Variants in TBC1D22A observed in about 807,000 individuals in gnomAD.
The protein encoded by TBC1D22A is putative GTPase activator.
Under a neutral mutation model 60.2 loss-of-function variants are expected in TBC1D22A, and 38 were observed. The ratio of observed to expected loss-of-function variants is 0.63; its 90% CI spans 0.49 to 0.83. The LOEUF (loss-of-function observed/expected upper bound fraction) is 0.83, where lower values mean the gene tolerates loss of function less well. Among genes scored for constraint, TBC1D22A ranks in the 40% least tolerant of loss-of-function variants. The pLI, the probability that TBC1D22A is intolerant of heterozygous loss-of-function variation, is 0.00. For synonymous variants in TBC1D22A, 302 were observed against 281.7 expected, an observed-to-expected ratio of 1.07 and a Z score of -0.72; for missense variants, 628 against 701.0, an observed-to-expected ratio of 0.90 and a Z score of 1.18.
At position 47,034,424 on chromosome 22, in the gene TBC1D22A, TGA is replaced by T. The variant is rs1181993760; in HGVS notation, c.1202-2643_1202-2642del. On this transcript the variant is annotated intron_variant, in intron 10 of 12. Coordinates refer to ENST00000337137, the MANE Select transcript of TBC1D22A (RefSeq NM_014346.5). ...GACATCCCACCTGGAAGAGTCTGAC[TGA>T]GAGTCGAGATGAGAATCTGTATTTA... 2.0e-5 allele frequency among the ~76,000 whole-genome samples: 3 copies of T among 152,188 alleles called. No homozygotes were observed. The East Asian group carries it at 5.8e-4, about 29-fold the overall frequency.
intron 12 of TBC1D22A, among the ~76,000 whole-genome samples, chr22:47,142,152 TC>T (rs1202239593): frequency 1.3e-5 from 2 of 152,086 alleles, no homozygotes; most frequent in Admixed American, 6.5e-5. Context: ...GAGCCTACTT[TC>T]AAGCCTACCC....
intron 1 of TBC1D22A, among the ~76,000 whole-genome samples, chr22:46,771,042 CT>C (rs1160722227): frequency 6.6e-6 from 1 of 152,170 alleles, no homozygotes. Flanking sequence ...TATTAAATGT[CT>C]TACTTTGTCC....
At chr22:46,815,647 T>C (rs1411885998) in intron 4 of TBC1D22A, among the ~76,000 whole-genome samples, 2 of 152,224 alleles carry the variant, frequency 1.3e-5, no homozygotes, top group Admixed American at 6.5e-5. Context: ...ACTCGGAAAA[T>C]GTTTCTTAAG....
chr22:46,797,334 T>C lies in TBC1D22A; in HGVS notation c.461-110T>C, dbSNP rs1601903503. 1.2e-5 allele frequency: 15 copies of C among 1,238,662 alleles called. No individual in the cohort carries two copies. In the East Asian group the frequency reaches 3.4e-4, roughly 28 times the overall value. 76.7% of individuals were successfully genotyped at this position (1,238,662 alleles called of 1,614,324 possible). On this transcript the variant is annotated intron_variant, in intron 3 of 12. Coordinates refer to ENST00000337137, the MANE Select transcript of TBC1D22A (RefSeq NM_014346.5). Reference sequence around the variant, plus strand: ...AACCAAGGTCCCCACTGCTGAGTGATGGGAAGAAGGGACCCATCAGCATTC... The same window carrying C: ...AACCAAGGTCCCCACTGCTGAGTGACGGGAAGAAGGGACCCATCAGCATTC...
intron 4 of TBC1D22A, among the ~76,000 whole-genome samples, chr22:46,856,842 G>A (rs1490770056): frequency 1.3e-5 from 2 of 152,236 alleles, no homozygotes; most frequent in Admixed American, 1.3e-4. Flanking sequence ...ATGCTGTGAT[G>A]ACATAAATAT....
intron 4 of TBC1D22A, among the ~76,000 whole-genome samples, chr22:46,818,487 A>G (rs1258991878): frequency 6.6e-6 from 1 of 152,206 alleles, no homozygotes; most frequent in Non-Finnish European, 1.5e-5. Context: ...TTTTCCCAGC[A>G]CCATTTACTG....
chr22:47,133,174 ATTTGT>A (rs558816641), intron 12 of TBC1D22A, among the ~76,000 whole-genome samples: 87 of 152,374 alleles, frequency 5.7e-4, no homozygotes, highest in African/African-American at 2.0e-3. Context: ...GTGGATTAGA[ATTTGT>A]TTTCTCAGCG....
At chr22:46,779,069 A>G (rs1318873426) in intron 1 of TBC1D22A, among the ~76,000 whole-genome samples, 3 of 152,248 alleles carry the variant, frequency 2.0e-5, no homozygotes, top group African/African-American at 4.8e-5. Flanking sequence ...GTATAATACA[A>G]TTAGTACAAT....
intron 10 of TBC1D22A, among the ~76,000 whole-genome samples, chr22:47,003,279 T>A (rs1019689470): frequency 6.6e-6 from 1 of 152,032 alleles, no homozygotes; most frequent in Non-Finnish European, 1.5e-5. Context: ...TGAAGTGGAA[T>A]TCAGACCCAG....
At chr22:46,842,676 C>T (rs547934604) in intron 4 of TBC1D22A, among the ~76,000 whole-genome samples, 2 of 152,248 alleles carry the variant, frequency 1.3e-5, no homozygotes, top group African/African-American at 4.8e-5. Context: ...GCGCGATCTC[C>T]GATCAAACTG....
chr22:47,037,253 C>A, intron 11 of TBC1D22A, 55 bp downstream of exon 11: 1 of 1,603,214 alleles, frequency 6.2e-7, no homozygotes. Flanking sequence ...CGGGCCGTTT[C>A]CTGTCGCCTT....
chr22:46,932,305 C>A (rs2071399082), intron 8 of TBC1D22A, among the ~76,000 whole-genome samples: 1 of 152,204 alleles, frequency 6.6e-6, no homozygotes, highest in Non-Finnish European at 1.5e-5. Context: ...TCTCCCGGCC[C>A]CAGAACTCAT....
At chr22:47,135,274 G>T (rs1047372204) in intron 12 of TBC1D22A, among the ~76,000 whole-genome samples, 4 of 152,224 alleles carry the variant, frequency 2.6e-5, no homozygotes. Context: ...CTTCGATGAG[G>T]GTCTGCGGTG....
intron 7 of TBC1D22A, among the ~76,000 whole-genome samples, chr22:46,904,142 T>TCTATCTACCTACCTAC (rs57116517): frequency 3.5e-4 from 47 of 134,572 alleles, no homozygotes; most frequent in African/African-American, 1.3e-3. Flanking sequence ...TATCTATCTA[T>TCTATCTACCTACCTAC]CTACCTACCT....
chr22:47,016,678 G>A (rs1364627303), intron 10 of TBC1D22A, among the ~76,000 whole-genome samples: 3 of 152,200 alleles, frequency 2.0e-5, no homozygotes, highest in African/African-American at 2.4e-5. Context: ...TCCGCTGCAC[G>A]AGTCCTTCCT....
intron 1 of TBC1D22A, chr22:46,788,995 T>A (rs973681842): frequency 4.6e-5 from 7 of 152,792 alleles, no homozygotes; most frequent in African/African-American, 1.4e-4. Context: ...TGGCTGCCAC[T>A]TTGATGTCCC....
intron 8 of TBC1D22A, among the ~76,000 whole-genome samples, chr22:46,949,238 C>A (rs890715702): frequency 6.6e-6 from 1 of 152,246 alleles, no homozygotes; most frequent in African/African-American, 2.4e-5. Flanking sequence ...TACCTGGAAC[C>A]ACCATGAGCA....
chr22:46,779,925 A>G (rs776998881), intron 1 of TBC1D22A, among the ~76,000 whole-genome samples: 25 of 152,182 alleles, frequency 1.6e-4, no homozygotes, highest in Admixed American at 9.2e-4. Flanking sequence ...CAGGTACCAC[A>G]TGTTTCTGCT....
At chr22:46,941,934 TACACACACACACAC>T (rs368425901) in intron 8 of TBC1D22A, among the ~76,000 whole-genome samples, 3 of 138,506 alleles carry the variant, frequency 2.2e-5, no homozygotes, top group Admixed American at 7.3e-5. Context: ...TATGTATGTA[TACACACACACACAC>T]ACACACACAC....
Sources: allele counts gnomAD v4.1 joint callset (sites outside exome capture counted in the v4.1 genomes callset), GRCh38; gene constraint gnomAD v4.1.1; transcripts MANE v1.5; gene names NCBI Gene and HGNC (gene_info 2026-07-23, HGNC 2026-07-21).